Variants in NAALADL2 observed in about 807,000 individuals in gnomAD.
NAALADL2 encodes the protein inactive N-acetylated-alpha-linked acidic dipeptidase-like protein 2.
Under a neutral mutation model 87.2 loss-of-function variants are expected in NAALADL2, and 76 were observed. The ratio of observed to expected loss-of-function variants is 0.87; its 90% confidence interval spans 0.72 to 1.05. The LOEUF (loss-of-function observed/expected upper bound fraction) is 1.05, where lower values mean the gene tolerates loss of function less well. Among genes scored for constraint, NAALADL2 ranks in the 50% least tolerant of loss-of-function variants. The pLI is 0.00. For synonymous variants in NAALADL2, 354 were observed against 331.0 expected (o/e 1.07, Z -0.75); for missense variants, 1,089 against 945.8 (o/e 1.15, Z -1.99).
chr3:175,227,214 G>A (rs965915663), intron 2 of NAALADL2, among the ~76,000 whole-genome samples: 3 of 151,964 alleles, frequency 2.0e-5, no homozygotes, highest in South Asian at 2.1e-4. Flanking sequence ...AATACTACAT[G>A]CCTGGCTTCC....
chr3:175,176,633 C>T (rs1300091837), intron 2 of NAALADL2, among the ~76,000 whole-genome samples: 1 of 152,052 alleles, frequency 6.6e-6, no homozygotes, highest in Non-Finnish European at 1.5e-5. Flanking sequence ...TTGCCTCTTT[C>T]TTTCCCTTGA....
intron 9 of NAALADL2, among the ~76,000 whole-genome samples, chr3:175,492,276 C>T (rs1334063177): frequency 3.3e-5 from 5 of 152,110 alleles, no homozygotes; most frequent in African/African-American, 1.2e-4. Context: ...GCTGCTCATT[C>T]TTTAGTGTAT....
chr3:174,815,830 G>GTTTTTTTTTTTTTTTTTTTTT (rs10589968), intron 3 of NAALADL2, among the ~76,000 whole-genome samples: 1 of 115,196 alleles, frequency 8.7e-6, no homozygotes, highest in African/African-American at 2.9e-5. Context: ...TTTGACTTTA[G>GTTTTTTTTTTTTTTTTTTTTT]TTTTTTTTTT....
intron 5 of NAALADL2, among the ~76,000 whole-genome samples, chr3:175,397,000 T>A (rs1769883583): frequency 1.3e-5 from 2 of 152,084 alleles, no homozygotes; most frequent in Non-Finnish European, 2.9e-5. Context: ...CGAATACACT[T>A]GCTTACTGAA....
chr3:174,558,277 G>C (rs1713113617), intron 2 of NAALADL2, among the ~76,000 whole-genome samples: 1 of 152,092 alleles, frequency 6.6e-6, no homozygotes, highest in Non-Finnish European at 1.5e-5. Context: ...GTTTCCTCTA[G>C]CACAGTGGTC....
At chr3:175,235,873 G>T (rs1302661197) in intron 3 of NAALADL2, 1 of 152,088 alleles carries the variant, frequency 6.6e-6, no homozygotes, top group Non-Finnish European at 1.5e-5. Context: ...CCTTAGCATG[G>T]CCCTCTGTAA....
chr3:174,452,204 T>C (rs550389417), intron 1 of NAALADL2, among the ~76,000 whole-genome samples: 8 of 152,294 alleles, frequency 5.3e-5, no homozygotes, highest in African/African-American at 1.7e-4. Context: ...GTCTGCATTT[T>C]AGTAGCTTTC....
intron 3 of NAALADL2, among the ~76,000 whole-genome samples, chr3:174,827,303 A>G (rs991983810): frequency 6.6e-6 from 1 of 152,208 alleles, no homozygotes; most frequent in Non-Finnish European, 1.5e-5. Context: ...TTACAGTTCT[A>G]TGGGTCAGAA....
chr3:175,219,747 A>G (rs1165080167), intron 2 of NAALADL2, among the ~76,000 whole-genome samples: 2 of 151,880 alleles, frequency 1.3e-5, no homozygotes, highest in South Asian at 2.1e-4. Flanking sequence ...AGTGCAAGTC[A>G]AATCTGGGGA....
chr3:174,444,068 G>A (rs2108259040), intron 1 of NAALADL2, among the ~76,000 whole-genome samples: 2 of 152,268 alleles, frequency 1.3e-5, no homozygotes, highest in Middle Eastern at 6.8e-3. Context: ...TGTAAAGAGA[G>A]TTTTTTAAAG....
At chr3:174,964,956 G>A (rs1742655199) in intron 1 of NAALADL2, among the ~76,000 whole-genome samples, 3 of 151,662 alleles carry the variant, frequency 2.0e-5, no homozygotes, top group Admixed American at 2.0e-4. Context: ...GGGAGGAGGT[G>A]GTTGTATTAC....
intron 3 of NAALADL2, among the ~76,000 whole-genome samples, chr3:174,747,728 C>T (rs1734404642): frequency 6.7e-6 from 1 of 150,148 alleles, no homozygotes; most frequent in South Asian, 2.1e-4. Flanking sequence ...TAAATTAGTT[C>T]AACGATTGTG....
chr3:175,242,359 T>C (rs1010718013), intron 3 of NAALADL2: 1 of 152,236 alleles, frequency 6.6e-6, no homozygotes, highest in Non-Finnish European at 1.5e-5. Flanking sequence ...TATTTAAGTA[T>C]TTTGTTTACA....
intron 10 of NAALADL2, among the ~76,000 whole-genome samples, chr3:175,583,179 C>CT (rs1720029747): frequency 6.6e-6 from 1 of 152,080 alleles, no homozygotes; most frequent in Non-Finnish European, 1.5e-5. Context: ...ATAAAATAGA[C>CT]TTTGTGATAC....
At chr3:175,076,947 T>A (rs1237332095) in intron 1 of NAALADL2, among the ~76,000 whole-genome samples, 1 of 152,214 alleles carries the variant, frequency 6.6e-6, no homozygotes, top group Non-Finnish European at 1.5e-5. Context: ...TGGCATATGG[T>A]GTTCTATAAT....
chr3:174,479,186 AGTATT>A (rs1320909131), intron 1 of NAALADL2, among the ~76,000 whole-genome samples: 1 of 152,178 alleles, frequency 6.6e-6, no homozygotes, highest in African/African-American at 2.4e-5. Flanking sequence ...GGGTGATAGA[AGTATT>A]GAGATAGTAC....
At chr3:175,454,564 T>C (rs936646923) in intron 6 of NAALADL2, among the ~76,000 whole-genome samples, 1 of 152,060 alleles carries the variant, frequency 6.6e-6, no homozygotes, top group African/African-American at 2.4e-5. Context: ...GCCATCAGTA[T>C]TAAAGGGTTC....
At chr3:175,528,722 A>T (rs999337681) in intron 9 of NAALADL2, among the ~76,000 whole-genome samples, 2 of 152,242 alleles carry the variant, frequency 1.3e-5, no homozygotes, top group Admixed American at 6.5e-5. Flanking sequence ...CCCCAATTCA[A>T]ATACTATTAT....
At chr3:175,379,248 A>G (rs1252669776) in intron 5 of NAALADL2, among the ~76,000 whole-genome samples, 1 of 149,474 alleles carries the variant, frequency 6.7e-6, no homozygotes, top group Non-Finnish European at 1.5e-5. Flanking sequence ...GTTAGCTCAT[A>G]GGCATGTTGT....
Sources: allele counts gnomAD v4.1 joint callset (sites outside exome capture counted in the v4.1 genomes callset), GRCh38; gene constraint gnomAD v4.1.1; transcripts MANE v1.5; gene names NCBI Gene and HGNC (gene_info 2026-07-23, HGNC 2026-07-21).